Variants in DPP10 observed in about 807,000 individuals in gnomAD.
The protein encoded by DPP10 is dipeptidyl peptidase like 10, also known as inactive dipeptidyl peptidase 10.
A neutral mutation model predicts 120.9 loss-of-function variants in DPP10; 33 were observed. That is an observed-to-expected ratio of 0.27 (90% confidence interval 0.21 to 0.37). The LOEUF (loss-of-function observed/expected upper bound fraction) is 0.37, where lower values mean the gene tolerates loss of function less well. Among genes scored for constraint, DPP10 ranks in the 10% least tolerant of loss-of-function variants. The probability of loss-of-function intolerance (pLI) is 1.00; values close to 1 mark genes in which losing one functional copy is unlikely to be tolerated. For synonymous variants in DPP10, 337 were observed against 326.1 expected, an observed-to-expected ratio of 1.03 and a Z score of -0.36; for missense variants, 816 against 942.8, an observed-to-expected ratio of 0.87 and a Z score of 1.76.
chr2:114,895,910 A>G (rs1225422674), intron 1 of DPP10, among the ~76,000 whole-genome samples: 3 of 152,146 alleles, frequency 2.0e-5, no homozygotes, highest in Non-Finnish European at 4.4e-5. Flanking sequence ...TAATTTTTGT[A>G]TAAGGTGTAA....
At chr2:115,149,255 T>C (rs2051399664) in intron 1 of DPP10, among the ~76,000 whole-genome samples, 1 of 152,054 alleles carries the variant, frequency 6.6e-6, no homozygotes, top group East Asian at 1.9e-4. Context: ...GGTTATTTTC[T>C]TGGTGATTAT....
intron 1 of DPP10, among the ~76,000 whole-genome samples, chr2:114,619,233 G>GA (rs888715565): frequency 6.6e-6 from 1 of 151,752 alleles, no homozygotes; most frequent in African/African-American, 2.4e-5. Context: ...GACTTTTAAG[G>GA]AAAAAAAGAA....
intron 1 of DPP10, among the ~76,000 whole-genome samples, chr2:115,269,766 C>G (rs1326224235): frequency 6.6e-6 from 1 of 152,140 alleles, no homozygotes; most frequent in Non-Finnish European, 1.5e-5. Flanking sequence ...GTCAGAAAGT[C>G]TAGCCCACAT....
intron 1 of DPP10, among the ~76,000 whole-genome samples, chr2:114,795,663 T>A (rs1683645365): frequency 6.6e-6 from 1 of 152,126 alleles, no homozygotes; most frequent in South Asian, 2.1e-4. Context: ...ATAAATATAT[T>A]TTTAAATGTT....
At chr2:115,035,227 C>T (rs1465321128) in intron 1 of DPP10, among the ~76,000 whole-genome samples, 1 of 152,184 alleles carries the variant, frequency 6.6e-6, no homozygotes, top group Non-Finnish European at 1.5e-5. Context: ...AACTGTTAAT[C>T]TTGATTTTAA....
chr2:115,663,556 T>G (rs1424867343), intron 5 of DPP10, among the ~76,000 whole-genome samples: 1 of 152,164 alleles, frequency 6.6e-6, no homozygotes, highest in Non-Finnish European at 1.5e-5. Context: ...CTCAGTGGCT[T>G]GCTGTATTCT....
chr2:114,641,046 A>G (rs1162990863), intron 1 of DPP10, among the ~76,000 whole-genome samples: 1 of 151,986 alleles, frequency 6.6e-6, no homozygotes, highest in East Asian at 1.9e-4. Flanking sequence ...TGAAACATAT[A>G]GCAAGCACCT....
intron 24 of DPP10, among the ~76,000 whole-genome samples, chr2:115,837,760 T>A (rs552234049): frequency 6.6e-6 from 1 of 151,488 alleles, no homozygotes; most frequent in South Asian, 2.1e-4. Context: ...AGTCTAACCA[T>A]GAGAAAACCA....
At chr2:115,618,897 A>G (rs143007011) in intron 5 of DPP10, among the ~76,000 whole-genome samples, 41 of 151,526 alleles carry the variant, frequency 2.7e-4, no homozygotes, top group African/African-American at 9.4e-4. Flanking sequence ...ATAATTTTCT[A>G]CTACTACATG....
At chr2:114,935,133 C>T (rs1696361095) in intron 1 of DPP10, among the ~76,000 whole-genome samples, 1 of 152,064 alleles carries the variant, frequency 6.6e-6, no homozygotes, top group Admixed American at 6.6e-5. Flanking sequence ...CAGGACAACC[C>T]CGCTGCTTCC....
At chr2:114,711,589 A>C (rs1351512829) in intron 1 of DPP10, among the ~76,000 whole-genome samples, 1 of 152,240 alleles carries the variant, frequency 6.6e-6, no homozygotes, top group Non-Finnish European at 1.5e-5. Flanking sequence ...CAAAATGCTT[A>C]AAGTAGTCAG....
chr2:115,243,358 A>G (rs1239696029), intron 1 of DPP10, among the ~76,000 whole-genome samples: 3 of 152,158 alleles, frequency 2.0e-5, no homozygotes, highest in South Asian at 2.1e-4. Flanking sequence ...TGCCCATGCT[A>G]TATGTCTGAA....
intron 1 of DPP10, among the ~76,000 whole-genome samples, chr2:114,805,746 A>T (rs756459468): frequency 3.9e-5 from 6 of 152,204 alleles, no homozygotes; most frequent in Non-Finnish European, 5.9e-5. Flanking sequence ...CTCTCACCTC[A>T]AATTCTGCTG....
At chr2:114,738,670 G>A (rs184855547) in intron 1 of DPP10, among the ~76,000 whole-genome samples, 2 of 152,268 alleles carry the variant, frequency 1.3e-5, no homozygotes, top group South Asian at 2.1e-4. Context: ...TAAAACAAGG[G>A]GGCTAGAAAT....
At chr2:114,756,401 G>T (rs538949048) in intron 1 of DPP10, among the ~76,000 whole-genome samples, 35 of 152,206 alleles carry the variant, frequency 2.3e-4, no homozygotes, top group Non-Finnish European at 3.8e-4. Flanking sequence ...AGGATGTTTG[G>T]TTGGCAACAG....
intron 12 of DPP10, among the ~76,000 whole-genome samples, chr2:115,766,286 A>ATATGTG (rs1553502854): frequency 2.8e-5 from 2 of 70,234 alleles, no homozygotes; most frequent in Admixed American, 2.2e-4. Flanking sequence ...CATTATATAT[A>ATATGTG]TGTGTGTGTG....
chr2:115,189,805 G>A (rs963579581), intron 1 of DPP10, among the ~76,000 whole-genome samples: 6 of 152,130 alleles, frequency 3.9e-5, no homozygotes, highest in African/African-American at 1.4e-4. Context: ...CGAGAAGAAC[G>A]AGTACACCTT....
intron 1 of DPP10, among the ~76,000 whole-genome samples, chr2:115,189,771 A>G (rs1190780139): frequency 2.0e-5 from 3 of 152,160 alleles, no homozygotes; most frequent in Admixed American, 6.5e-5. Flanking sequence ...CCCAGCCCAC[A>G]GATGCATGCT....
At chr2:115,376,814 T>G (rs1237250027) in intron 3 of DPP10, among the ~76,000 whole-genome samples, 10 of 150,818 alleles carry the variant, frequency 6.6e-5, no homozygotes, top group African/African-American at 2.2e-4. Context: ...TGGTTTTTTG[T>G]TCTTGCGATA....
Sources: allele counts gnomAD v4.1 joint callset (sites outside exome capture counted in the v4.1 genomes callset), GRCh38; gene constraint gnomAD v4.1.1; transcripts MANE v1.5; gene names NCBI Gene and HGNC (gene_info 2026-07-23, HGNC 2026-07-21).